TASP1: variants seen among roughly 807,000 people sequenced by gnomAD.
TASP1 encodes the protein threonine aspartase 1.
TASP1 carries 16 observed loss-of-function variants against 56.6 expected under a neutral mutation model. That is an observed-to-expected ratio of 0.28 (90% CI 0.19 to 0.43). The LOEUF (loss-of-function observed/expected upper bound fraction) is 0.43. Ranked by LOEUF, TASP1 falls within the 20% of genes least tolerant of loss-of-function variation. The probability of loss-of-function intolerance (pLI) is 1.00; values close to 1 mark genes in which losing one functional copy is unlikely to be tolerated. For missense variants in TASP1, 393 were observed against 511.6 expected (o/e 0.77, Z 2.24); for synonymous variants, 179 against 184.2 (o/e 0.97, Z 0.23).
chr20:13,377,488 AG>A, the TASP1 span, among the ~76,000 whole-genome samples: 8 of 152,328 alleles, frequency 5.3e-5, no homozygotes, highest in African/African-American at 1.9e-4. Context: ...TATTTTATTG[AG>A]GATTTTTGCA....
intron 13 of TASP1, among the ~76,000 whole-genome samples, chr20:13,408,170 C>T (rs1271272860): frequency 6.6e-6 from 1 of 152,082 alleles, no homozygotes. Flanking sequence ...CTAAGTCCTC[C>T]TAAGAAATTC....
intron 10 of TASP1, among the ~76,000 whole-genome samples, chr20:13,527,165 G>T (rs187981166): frequency 5.9e-5 from 9 of 152,218 alleles, no homozygotes; most frequent in African/African-American, 1.9e-4. Flanking sequence ...GGCCAAGATG[G>T]AACAGGTCAG....
chr20:13,319,379 GAA>G, the TASP1 span, among the ~76,000 whole-genome samples: 3 of 152,106 alleles, frequency 2.0e-5, no homozygotes, highest in Non-Finnish European at 4.4e-5. Context: ...GGAAGTTATT[GAA>G]AACAGAGCTC....
the TASP1 span, among the ~76,000 whole-genome samples, chr20:13,155,193 A>G: frequency 1.3e-5 from 2 of 152,152 alleles, no homozygotes; most frequent in Non-Finnish European, 2.9e-5. Flanking sequence ...GTCAAAAAAA[A>G]AAAGGAAGTT....
chr20:13,413,442 T>G (rs1002880583), intron 13 of TASP1, among the ~76,000 whole-genome samples: 1 of 152,082 alleles, frequency 6.6e-6, no homozygotes, highest in Non-Finnish European at 1.5e-5. Flanking sequence ...ACCTTGATTA[T>G]GAAAAAGCTT....
At chr20:13,411,307 T>G (rs949299413) in intron 13 of TASP1, among the ~76,000 whole-genome samples, 2 of 152,334 alleles carry the variant, frequency 1.3e-5, no homozygotes, top group Non-Finnish European at 1.5e-5. Context: ...TGGGCTCTTT[T>G]GGGGTTCCAT....
At chr20:13,354,735 C>T in the TASP1 span, among the ~76,000 whole-genome samples, 1 of 151,940 alleles carries the variant, frequency 6.6e-6, no homozygotes, top group South Asian at 2.1e-4. Flanking sequence ...TTCAGGATGT[C>T]AACTGCACAG....
the TASP1 span, among the ~76,000 whole-genome samples, chr20:13,222,368 C>A: frequency 3.3e-5 from 5 of 152,012 alleles, no homozygotes; most frequent in Non-Finnish European, 5.9e-5. Flanking sequence ...GGAGTCTACC[C>A]CTTTAGGAAG....
At chr20:13,486,932 T>C (rs1434729793) in intron 10 of TASP1, among the ~76,000 whole-genome samples, 1 of 152,192 alleles carries the variant, frequency 6.6e-6, no homozygotes, top group Non-Finnish European at 1.5e-5. Context: ...AACAGGGCAA[T>C]GATGTCTGCT....
chr20:13,192,005 G>A, the TASP1 span, among the ~76,000 whole-genome samples: 1 of 152,166 alleles, frequency 6.6e-6, no homozygotes, highest in Non-Finnish European at 1.5e-5. Context: ...CAATTACCCA[G>A]TCTGTGGTAT....
intron 8 of TASP1, among the ~76,000 whole-genome samples, chr20:13,552,015 CAGAT>C (rs1251120407): frequency 4.6e-5 from 7 of 152,140 alleles, no homozygotes; most frequent in African/African-American, 1.4e-4. Flanking sequence ...GAGCAAAACT[CAGAT>C]TGAAGGAAAC....
At chr20:13,398,906 C>T (rs925274844) in intron 13 of TASP1, among the ~76,000 whole-genome samples, 1 of 152,150 alleles carries the variant, frequency 6.6e-6, no homozygotes, top group African/African-American at 2.4e-5. Flanking sequence ...ACACCTATTA[C>T]CTCAAATTCT....
chr20:13,463,101 T>C (rs1651728171), intron 11 of TASP1, among the ~76,000 whole-genome samples: 1 of 152,098 alleles, frequency 6.6e-6, no homozygotes, highest in Non-Finnish European at 1.5e-5. Context: ...GGCTTCACAC[T>C]TCCTGATTTC....
intron 10 of TASP1, among the ~76,000 whole-genome samples, chr20:13,495,783 A>C (rs1335232928): frequency 6.6e-6 from 1 of 152,190 alleles, no homozygotes; most frequent in Non-Finnish European, 1.5e-5. Context: ...TATTTAATTT[A>C]TTTTAGCCAG....
chr20:13,431,896 T>G (rs988810809), intron 12 of TASP1, among the ~76,000 whole-genome samples: 2 of 152,220 alleles, frequency 1.3e-5, no homozygotes, highest in Non-Finnish European at 2.9e-5. Flanking sequence ...TGTGCCCCTA[T>G]GGGACTCTAC....
At chr20:13,325,995 T>G in the TASP1 span, among the ~76,000 whole-genome samples, 2 of 152,250 alleles carry the variant, frequency 1.3e-5, no homozygotes, top group South Asian at 4.1e-4. Context: ...CCCTCCCAAC[T>G]CCGGGTAACC....
intron 4 of TASP1, among the ~76,000 whole-genome samples, chr20:13,610,296 AG>A (rs1431280185): frequency 6.6e-6 from 1 of 152,240 alleles, no homozygotes; most frequent in Non-Finnish European, 1.5e-5. Context: ...CAGACACAAA[AG>A]AATACATAAT....
chr20:13,585,199 A>C (rs1207869358), intron 5 of TASP1, among the ~76,000 whole-genome samples: 3 of 152,228 alleles, frequency 2.0e-5, no homozygotes, highest in African/African-American at 7.2e-5. Context: ...TTACATATAC[A>C]AAAATTAATC....
chr20:13,600,340 T>C (rs573115630), intron 4 of TASP1, among the ~76,000 whole-genome samples: 5 of 152,294 alleles, frequency 3.3e-5, no homozygotes, highest in Middle Eastern at 3.4e-3. Flanking sequence ...GGGACTCACA[T>C]TGCCTGATTT....
Sources: allele counts gnomAD v4.1 joint callset (sites outside exome capture counted in the v4.1 genomes callset), GRCh38; gene constraint gnomAD v4.1.1; transcripts MANE v1.5; gene names NCBI Gene and HGNC (gene_info 2026-07-23, HGNC 2026-07-21).